Variants in KDM3B observed in about 807,000 individuals in gnomAD.
KDM3B encodes lysine demethylase 3B.
Under a neutral mutation model 170.0 loss-of-function variants are expected in KDM3B, and 10 were observed. That is an observed-to-expected ratio of 0.06 (90% CI 0.04 to 0.10). KDM3B has a LOEUF of 0.10. KDM3B is among the 10% of genes least tolerant of loss of function. KDM3B has a pLI of 1.00. For synonymous variants in KDM3B, 831 were observed against 834.8 expected, an observed-to-expected ratio of 1.00 and a Z score of 0.08; for missense variants, 1,394 against 2,195.2, an observed-to-expected ratio of 0.64 and a Z score of 7.29.
At chr5:138,387,205 G>T (rs921963230) in intron 7 of KDM3B, among the ~76,000 whole-genome samples, 2 of 152,164 alleles carry the variant, frequency 1.3e-5, no homozygotes, top group Middle Eastern at 3.4e-3. Context: ...TTCTTTATCT[G>T]ATATGCATAT....
intron 1 of KDM3B, among the ~76,000 whole-genome samples, chr5:138,355,216 T>A (rs1412218062): frequency 2.0e-5 from 3 of 152,244 alleles, no homozygotes; most frequent in Non-Finnish European, 4.4e-5. Context: ...TGGTTTTGAG[T>A]AATGCCTAGC....
intron 1 of KDM3B, among the ~76,000 whole-genome samples, chr5:138,354,100 A>G (rs1434075250): frequency 1.3e-5 from 2 of 152,122 alleles, no homozygotes; most frequent in Admixed American, 1.3e-4. Context: ...TAGGCTTCCG[A>G]TGTTCATTTT....
In KDM3B at chr5:138,386,105, A is replaced by G; in HGVS notation, c.864A>G (p.Lys288=). 6.2e-7 allele frequency: 1 copy of G among 1,614,198 alleles called. No homozygotes were observed. Among genetic ancestry groups the G allele is most frequent in the Non-Finnish European group, 8.5e-7 (1 of 1,180,044 alleles). The part of the protein sequence containing the change: ...SIEGKDGRRR[K]SASDSGCDPA... Reference sequence around the variant, plus strand: ...AGGGGAAAGATGGCCGGAGGAGGAAAAGTGCTTCGGACTCTGGGTGTGACC... The same window carrying G: ...AGGGGAAAGATGGCCGGAGGAGGAAGAGTGCTTCGGACTCTGGGTGTGACC... Residue 288 remains lysine, a synonymous_variant, in exon 7 of 24, where the codon AAA becomes AAG. Transcript: ENST00000314358.
chr5:138,373,968 GTCTTT>G (rs1268442756), intron 2 of KDM3B, among the ~76,000 whole-genome samples: 1 of 152,002 alleles, frequency 6.6e-6, no homozygotes, highest in African/African-American at 2.4e-5. Context: ...TTACTAAACT[GTCTTT>G]TCTTTTTCTT....
At chr5:138,410,956 T>C (rs1762952279) in intron 11 of KDM3B, among the ~76,000 whole-genome samples, 1 of 152,230 alleles carries the variant, frequency 6.6e-6, no homozygotes, top group South Asian at 2.1e-4. Context: ...GTGTGACCAC[T>C]GAAGCACAGC....
At chr5:138,366,074 C>T (rs2126915035) in intron 1 of KDM3B, among the ~76,000 whole-genome samples, 1 of 152,044 alleles carries the variant, frequency 6.6e-6, no homozygotes, top group East Asian at 1.9e-4. Context: ...CTCTCTCATC[C>T]CAACCCTCCT....
chr5:138,426,875 A>T, intron 17 of KDM3B, 100 bp from the exon 18 acceptor site: 1 of 745,854 alleles, frequency 1.3e-6, no homozygotes, highest in Non-Finnish European at 2.1e-6. Context: ...AAAAAAAAAA[A>T]AAAAAGAAAA....
intron 12 of KDM3B, among the ~76,000 whole-genome samples, chr5:138,416,134 C>T (rs951146110): frequency 3.4e-5 from 5 of 147,006 alleles, no homozygotes; most frequent in African/African-American, 1.0e-4. Context: ...ACAGCTTGCT[C>T]AGCATTAGGA....
chr5:138,404,613 G>T (rs1762769759), intron 11 of KDM3B, among the ~76,000 whole-genome samples: 1 of 144,882 alleles, frequency 6.9e-6, no homozygotes, highest in Non-Finnish European at 1.5e-5. Context: ...GGCAGCAAGA[G>T]CAAAACTCCA....
At chr5:138,413,457 G>C (rs1179472650) in intron 11 of KDM3B, among the ~76,000 whole-genome samples, 1 of 152,006 alleles carries the variant, frequency 6.6e-6, no homozygotes, top group Non-Finnish European at 1.5e-5. Context: ...AATATTGCTG[G>C]TAGGAATGCA....
intron 11 of KDM3B, among the ~76,000 whole-genome samples, chr5:138,411,929 C>G (rs1456233171): frequency 6.8e-6 from 1 of 147,744 alleles, no homozygotes; most frequent in African/African-American, 2.5e-5. Context: ...AGGCTGGTCT[C>G]GAACTCCTGA....
Position 138,406,508 on chromosome 5 carries a change from A to T in KDM3B, c.3199+6496A>T, listed in dbSNP as rs995318740. ...AAAATACAAACAAAATTAGCTGAGC[A>T]TGGTGGCAGGCACCTGTAGACCTAG... On this transcript the variant is annotated intron_variant, in intron 11 of 23. Coordinates refer to ENST00000314358, the MANE Select transcript of KDM3B (RefSeq NM_016604.4). 2.0e-5 allele frequency among the ~76,000 whole-genome samples: 3 copies of T among 152,252 alleles called. No homozygotes were observed. In the South Asian group the frequency reaches 6.2e-4, roughly 32 times the overall value.
chr5:138,421,612 T>C (rs1003984627), intron 15 of KDM3B, among the ~76,000 whole-genome samples: 15 of 152,220 alleles, frequency 9.9e-5, no homozygotes, highest in Non-Finnish European at 4.4e-5. Context: ...TTCTGCCCTT[T>C]ACAGTCTACA....
chr5:138,416,436 A>G (rs1321018006), intron 12 of KDM3B, among the ~76,000 whole-genome samples: 1 of 151,780 alleles, frequency 6.6e-6, no homozygotes, highest in East Asian at 1.9e-4. Flanking sequence ...CTAAAAATAT[A>G]AAGTTAGCCA....
At chr5:138,379,430 A>G (rs1270078217) in intron 4 of KDM3B, among the ~76,000 whole-genome samples, 154 bp from the exon 5 acceptor site, 2 of 152,236 alleles carry the variant, frequency 1.3e-5, no homozygotes, top group African/African-American at 4.8e-5. Flanking sequence ...ATTGCTCAGT[A>G]TGGTAAATCT....
chr5:138,399,707 A>G (rs1762635124), intron 10 of KDM3B, among the ~76,000 whole-genome samples, 153 bp from the exon 11 acceptor site: 1 of 152,140 alleles, frequency 6.6e-6, no homozygotes, highest in South Asian at 2.1e-4. Context: ...AAATTATTGT[A>G]TTTTGTTTCT....
At chr5:138,355,139 G>T (rs890845482) in intron 1 of KDM3B, among the ~76,000 whole-genome samples, 1 of 152,220 alleles carries the variant, frequency 6.6e-6, no homozygotes, top group Non-Finnish European at 1.5e-5. Context: ...GGTGGAGTTT[G>T]CAAGCAGCTG....
rs563065823 is a variant in KDM3B at position 138,362,579 on chromosome 5, CACACACAA to C, written c.192+9594_192+9601del. On this transcript the variant is annotated intron_variant, in intron 1 of 23. Transcript: ENST00000314358. Reference sequence around the variant, plus strand: ...ACACACACACACACACACACACACACACACACAAAATATCTTAAGTGAATAGTGTACGT... The same window carrying C: ...ACACACACACACACACACACACACACAATATCTTAAGTGAATAGTGTACGT... Among the ~76,000 whole-genome samples the C allele has an allele frequency of 5.9e-3, 698 of 118,946 alleles. 2 individuals carry two copies. The highest frequency in any genetic ancestry group is 0.021 in the South Asian group (59 of 2,776). 78.0% of individuals were successfully genotyped at this position (118,946 alleles called of 152,430 possible). A position where few individuals can be genotyped will look rare whatever the true frequency, so the allele number is the denominator to read the frequency against.
chr5:138,384,371 G>A (rs1229992199), intron 6 of KDM3B, among the ~76,000 whole-genome samples: 2 of 151,980 alleles, frequency 1.3e-5, no homozygotes, highest in Non-Finnish European at 2.9e-5. Context: ...AGGCCGAGGT[G>A]GGCAGATCAC....
Sources: gnomAD v4.1 joint callset for allele counts (sites outside exome capture counted in the v4.1 genomes callset) on GRCh38, gnomAD v4.1.1 for gene constraint, MANE v1.5 for transcripts, NCBI Gene and HGNC (gene_info 2026-07-23, HGNC 2026-07-21) for gene names.